Variants in S100A8 observed in about 807,000 individuals in gnomAD.
S100A8 encodes the protein protein S100-A8.
S100A8 carries 1 observed loss-of-function variant against 4.2 expected under a neutral mutation model. That is an observed-to-expected ratio of 0.24 (90% CI 0.08 to 1.12). S100A8 has a LOEUF of 1.12. S100A8 is among the 50% of genes most tolerant of loss of function. S100A8 has a pLI of 0.53. For missense variants in S100A8, 96 were observed against 111.8 expected (o/e 0.86, Z 0.64); for synonymous variants, 41 against 44.7 (o/e 0.92, Z 0.33).
chr1:153,390,663 C>T (rs527981787), intron 1 of S100A8, 106 bp from the exon 2 acceptor site: 4 of 1,412,264 alleles, frequency 2.8e-6, no homozygotes, highest in African/African-American at 2.8e-5. Context: ...TCCTGGCCTG[C>T]ACTCTCCAAA....
At chr1:153,418,299 G>A in the S100A8 span, 1 of 1,582,838 alleles carries the variant, frequency 6.3e-7, no homozygotes, top group East Asian at 2.2e-5. Context: ...TGTGGCCTTG[G>A]ACAGGTCACC....
At chr1:153,418,306 C>G in the S100A8 span, 10 of 1,548,976 alleles carry the variant, frequency 6.5e-6, no homozygotes, top group Non-Finnish European at 8.8e-7. Context: ...TTGGACAGGT[C>G]ACCCTCATCC....
upstream of S100A8, among the ~76,000 whole-genome samples, chr1:153,392,601 T>A (rs563607333): frequency 6.6e-6 from 1 of 152,346 alleles, no homozygotes; most frequent in East Asian, 1.9e-4. Flanking sequence ...CCTCAACACA[T>A]GAATGGATGA....
At chr1:153,414,724 A>G in the S100A8 span, among the ~76,000 whole-genome samples, 1 of 152,208 alleles carries the variant, frequency 6.6e-6, no homozygotes, top group Non-Finnish European at 1.5e-5. Context: ...AAAACTAAAC[A>G]TACTCTTACC....
At position 153,390,677 on chromosome 1, in the gene S100A8, C is replaced by A. The variant is rs778895289; in HGVS notation, c.-22-120G>T. The A allele has an allele frequency of 6.3e-6, 8 of 1,268,196 alleles. No individual in the cohort carries two copies. In the African/African-American group the frequency reaches 1.2e-4, roughly 19 times the overall value. The allele number at this position is 1,268,196 out of a possible 1,614,324, so 78.6% of individuals were successfully genotyped here. On this transcript the variant is annotated intron_variant, in intron 1 of 2. Coordinates refer to ENST00000368733, the MANE Select transcript of S100A8 (RefSeq NM_002964.5). ...GTCCTGGCCTGCACTCTCCAAATAA[C>A]CAAACCAGCAGATGGCTATGGCTCT...
At chr1:153,401,495 A>C in the S100A8 span, among the ~76,000 whole-genome samples, 2 of 152,140 alleles carry the variant, frequency 1.3e-5, no homozygotes, top group African/African-American at 4.8e-5. Flanking sequence ...TCACAACCCA[A>C]CCACCCATGG....
chr1:153,395,544 G>T (rs3014807), upstream of S100A8, among the ~76,000 whole-genome samples: 23,382 of 151,850 alleles, frequency 0.15, 2,187 homozygotes, highest in African/African-American at 0.27. Context: ...TTACCTCCTC[G>T]TCACAGCCTC....
the S100A8 span, among the ~76,000 whole-genome samples, chr1:153,415,941 C>T: frequency 2.6e-5 from 4 of 152,180 alleles, no homozygotes; most frequent in Admixed American, 6.5e-5. Flanking sequence ...TTTCTTTGTT[C>T]GTGTGATGAT....
chr1:153,399,009 C>T, the S100A8 span, among the ~76,000 whole-genome samples: 2 of 152,186 alleles, frequency 1.3e-5, no homozygotes, highest in Non-Finnish European at 2.9e-5. Context: ...ACTGTCCCCA[C>T]CTCTGCTTTT....
chr1:153,393,553 A>T (rs1379230070), upstream of S100A8, among the ~76,000 whole-genome samples: 1 of 152,238 alleles, frequency 6.6e-6, no homozygotes, highest in Non-Finnish European at 1.5e-5. Context: ...GGAAGAAGGC[A>T]GGGTATAAAT....
chr1:153,418,034 A>C, the S100A8 span: 4 of 1,609,624 alleles, frequency 2.5e-6, no homozygotes, highest in Non-Finnish European at 3.4e-6. Context: ...ATTCAAACTA[A>C]GGTAAGAAAT....
At chr1:153,408,306 T>C in the S100A8 span, among the ~76,000 whole-genome samples, 2 of 152,152 alleles carry the variant, frequency 1.3e-5, no homozygotes, top group Middle Eastern at 3.2e-3. Context: ...CTGAAAACCA[T>C]GGCACGAGAA....
the S100A8 span, among the ~76,000 whole-genome samples, chr1:153,397,807 C>A: frequency 1.6e-3 from 251 of 152,268 alleles, 1 homozygote; most frequent in African/African-American, 5.8e-3. Context: ...GCTTCCTGCC[C>A]GGGACAGGCT....
the S100A8 span, chr1:153,418,104 A>C: frequency 6.2e-7 from 1 of 1,614,202 alleles, no homozygotes; most frequent in Non-Finnish European, 8.5e-7. Flanking sequence ...TCAAGCTGAG[A>C]GGTCCATAAT....
At chr1:153,402,340 C>T in the S100A8 span, among the ~76,000 whole-genome samples, 1 of 152,194 alleles carries the variant, frequency 6.6e-6, no homozygotes, top group Non-Finnish European at 1.5e-5. Context: ...AACCCAGGCC[C>T]ATGGGCCCCA....
chr1:153,404,614 A>C, the S100A8 span, among the ~76,000 whole-genome samples: 3 of 152,096 alleles, frequency 2.0e-5, no homozygotes, highest in African/African-American at 7.2e-5. Context: ...GATTTACTTA[A>C]CCCACCATTA....
the S100A8 span, among the ~76,000 whole-genome samples, chr1:153,404,970 CAG>C: frequency 4.6e-5 from 7 of 152,016 alleles, no homozygotes; most frequent in African/African-American, 1.7e-4. Context: ...TCTCTGCACT[CAG>C]GGCCAGAGTT....
At position 153,390,452 on chromosome 1, in the gene S100A8, G is replaced by A. The variant is rs756440626; in HGVS notation, c.84C>T (p.Ala28=). Residue 28 remains alanine, a synonymous_variant, in exon 2 of 3, where the codon GCC becomes GCT. Coordinates refer to ENST00000368733, the MANE Select transcript of S100A8 (RefSeq NM_002964.5). ...KYSLIKGNFH[A]VYRDDLKKLL... ...ATTTCTTCAGGTCATCCCTGTAGAC[G>A]GCATGGAAATTCCCCTTTATCAGGG... 25 of 1,614,002 alleles carry A rather than the reference G, an allele frequency of 1.5e-5. No individual in the cohort carries two copies. Among genetic ancestry groups the A allele is most frequent in the South Asian group, 4.4e-5 (4 of 91,088 alleles).
chr1:153,416,608 C>T, the S100A8 span: 1 of 444,804 alleles, frequency 2.2e-6, no homozygotes. Context: ...GTGCCCAGTG[C>T]CCAGCCTGCC....
Sources: gnomAD v4.1 joint callset for allele counts (sites outside exome capture counted in the v4.1 genomes callset) on GRCh38, gnomAD v4.1.1 for gene constraint, MANE v1.5 for transcripts, NCBI Gene and HGNC (gene_info 2026-07-23, HGNC 2026-07-21) for gene names.